PTPRJ: variants seen among roughly 807,000 people sequenced by gnomAD.
PTPRJ encodes the protein receptor-type tyrosine-protein phosphatase eta.
Under a neutral mutation model 141.3 loss-of-function variants are expected in PTPRJ, and 129 were observed. That is an observed-to-expected ratio of 0.91 (90% CI 0.79 to 1.06). The LOEUF is 1.06. PTPRJ is among the 50% of genes least tolerant of loss of function. The pLI is 0.00. For synonymous variants in PTPRJ, 610 were observed against 640.5 expected (o/e 0.95, Z 0.72); for missense variants, 1,601 against 1,679.7 (o/e 0.95, Z 0.82).
chr11:48,106,665 G>A (rs75539408), intron 1 of PTPRJ, among the ~76,000 whole-genome samples: 3,152 of 152,002 alleles, frequency 0.021, 111 homozygotes, highest in African/African-American at 0.072. Context: ...ATGTAGAGGA[G>A]TTGGGGAAAA....
At chr11:48,100,225 T>G (rs557683801) in intron 1 of PTPRJ, among the ~76,000 whole-genome samples, 35 of 152,174 alleles carry the variant, frequency 2.3e-4, no homozygotes, top group Non-Finnish European at 4.7e-4. Context: ...GTTCCTCCTT[T>G]CATGCAGCAG....
At chr11:47,991,202 C>G (rs1854184776) in intron 1 of PTPRJ, among the ~76,000 whole-genome samples, 1 of 152,102 alleles carries the variant, frequency 6.6e-6, no homozygotes, top group Admixed American at 6.6e-5. Context: ...AATTAAGTGA[C>G]CACCAGGTGT....
intron 1 of PTPRJ, among the ~76,000 whole-genome samples, chr11:48,058,411 A>G (rs952075129): frequency 2.0e-5 from 3 of 151,638 alleles, no homozygotes; most frequent in Non-Finnish European, 4.4e-5. Context: ...GGATCTCGCT[A>G]TGTTGCCCAG....
chr11:48,084,701 G>A (rs931078588), intron 1 of PTPRJ, among the ~76,000 whole-genome samples: 2 of 152,068 alleles, frequency 1.3e-5, no homozygotes, highest in African/African-American at 4.8e-5. Flanking sequence ...AAGTCAAAAG[G>A]GTGTGGGGTT....
In PTPRJ at chr11:48,137,295, C is replaced by T. The variant is rs1395196701; in HGVS notation, c.2152+14C>T. The T allele has an allele frequency of 6.2e-6, 10 of 1,608,552 alleles. No individual in the cohort carries two copies. Among genetic ancestry groups the T allele is most frequent in the Non-Finnish European group, 8.5e-6 (10 of 1,176,072 alleles). On this transcript the variant is annotated intron_variant, in intron 10 of 24. Coordinates refer to ENST00000418331, the MANE Select transcript of PTPRJ (RefSeq NM_002843.4). ...CATTCTGTACAGGTGAGTGTAGCCC[C>T]AACTGCCTCTTGGACTCCTCCCTGA... is the stretch of plus-strand genomic sequence containing the variant.
intron 1 of PTPRJ, among the ~76,000 whole-genome samples, chr11:47,992,901 T>TCATG (rs1173973518): frequency 6.6e-6 from 1 of 152,174 alleles, no homozygotes; most frequent in Non-Finnish European, 1.5e-5. Context: ...GAATTTCTTA[T>TCATG]CATGGGTTCA....
chr11:47,995,431 G>T (rs1003942716), intron 1 of PTPRJ, among the ~76,000 whole-genome samples: 2 of 152,204 alleles, frequency 1.3e-5, no homozygotes, highest in Non-Finnish European at 2.9e-5. Context: ...GTCCAGGAAG[G>T]ACAGCTGGAC....
intron 1 of PTPRJ, among the ~76,000 whole-genome samples, chr11:48,103,090 G>A (rs1374376319): frequency 6.6e-6 from 1 of 152,180 alleles, no homozygotes; most frequent in Non-Finnish European, 1.5e-5. Flanking sequence ...TGTGTCAGGG[G>A]TTCCATAAGC....
At chr11:48,149,541 ACTAT>A (rs1857431621) in intron 16 of PTPRJ, 53 bp downstream of exon 16, 1 of 1,167,082 alleles carries the variant, frequency 8.6e-7, no homozygotes, top group Non-Finnish European at 1.2e-6. Context: ...CTGTTCGGTG[ACTAT>A]CTATAAATAA....
chr11:48,164,076 G>T (rs1565335797), intron 23 of PTPRJ, among the ~76,000 whole-genome samples: 2 of 152,182 alleles, frequency 1.3e-5, no homozygotes, highest in Non-Finnish European at 2.9e-5. Flanking sequence ...GGGAAAAAAT[G>T]GCTAAAATGT....
chr11:48,159,859 C>G (rs1264282373), intron 21 of PTPRJ, 71 bp from the exon 22 acceptor site: 4 of 1,582,150 alleles, frequency 2.5e-6, no homozygotes, highest in Admixed American at 1.7e-5. Context: ...TAGCCAGTCT[C>G]CCTTGTGAGG....
chr11:48,121,813 G>A (rs1856715748), intron 4 of PTPRJ, among the ~76,000 whole-genome samples: 1 of 151,904 alleles, frequency 6.6e-6, no homozygotes. Flanking sequence ...TTTTTAAGCT[G>A]AAAAGAACCA....
At chr11:48,039,860 C>T (rs1292400741) in intron 1 of PTPRJ, among the ~76,000 whole-genome samples, 1 of 151,808 alleles carries the variant, frequency 6.6e-6, no homozygotes, top group Non-Finnish European at 1.5e-5. Flanking sequence ...GTGATCTTGG[C>T]TCACTGCAGC....
chr11:48,046,759 T>C (rs1565274751), intron 1 of PTPRJ, among the ~76,000 whole-genome samples: 2 of 151,980 alleles, frequency 1.3e-5, no homozygotes, highest in East Asian at 3.9e-4. Context: ...TACAGTTTAC[T>C]TGTGTGTAAA....
rs60806872 is a variant in PTPRJ at position 48,164,558 on chromosome 11, A to ATTTTTTTTTTTTTTTTTTTTTT, written c.3855+48_3855+69dup. On this transcript the variant is annotated intron_variant, in intron 24 of 24. Coordinates refer to ENST00000418331, the MANE Select transcript of PTPRJ (RefSeq NM_002843.4). ...ATTTGACATTCCACCCTTCCCCTCC[A>ATTTTTTTTTTTTTTTTTTTTTT]TTTTTTTTTTTTTTTTTTTTTTTTT... 9.8e-6 allele frequency: 7 copies of ATTTTTTTTTTTTTTTTTTTTTT among 715,256 alleles called. 2 individuals are homozygous for ATTTTTTTTTTTTTTTTTTTTTT. Among genetic ancestry groups the ATTTTTTTTTTTTTTTTTTTTTT allele is most frequent in the Non-Finnish European group, 1.8e-6 (1 of 567,110 alleles). The allele number at this position is 715,256 out of a possible 1,614,324, so 44.3% of individuals were successfully genotyped here.
rs564934583 is a variant in PTPRJ, at chr11:48,140,339, C to A, written c.2443+563C>A. Among the ~76,000 whole-genome samples, 10 of 152,276 alleles carry A rather than the reference C, an allele frequency of 6.6e-5. No homozygotes were observed. The South Asian group carries it at 1.2e-3, about 19-fold the overall frequency. ...GCCACTGCGCCTGGTCGTCTTTTAG[C>A]CCACATCTGTTGGTGGCTTACTGTG... On this transcript the variant is annotated intron_variant, in intron 11 of 24. Coordinates refer to ENST00000418331, the MANE Select transcript of PTPRJ (RefSeq NM_002843.4).
rs779996552 is a variant in PTPRJ, at chr11:48,137,136, C to T, written c.2007C>T (p.Asn669=). Residue 669 remains asparagine, a synonymous_variant, in exon 10 of 25, where the codon AAC becomes AAT. Transcript: ENST00000418331. The stretch of plus-strand genomic sequence containing the variant: ...TTGAGAAGGCTGGAAATTCCAGCAA[C>T]GCAACACAAGTAGTCACGGACATTG... The part of the protein sequence containing the change: ...LLIEKAGNSS[N]ATQVVTDIGI... 30 of 1,612,588 alleles carry T rather than the reference C, an allele frequency of 1.9e-5. No individual in the cohort carries two copies. The highest frequency in any genetic ancestry group is 6.7e-5 in the Admixed American group (4 of 59,992).
chr11:48,030,910 T>C (rs2134224435), intron 1 of PTPRJ, among the ~76,000 whole-genome samples: 1 of 152,278 alleles, frequency 6.6e-6, no homozygotes, highest in Middle Eastern at 3.4e-3. Context: ...CTGAGAAGTA[T>C]AGTCTCTTAG....
intron 1 of PTPRJ, among the ~76,000 whole-genome samples, chr11:48,030,076 T>A (rs1168154434): frequency 6.6e-6 from 1 of 152,242 alleles, no homozygotes; most frequent in Non-Finnish European, 1.5e-5. Context: ...ATTCTGGACA[T>A]TCAAATGTAA....
Sources: allele counts gnomAD v4.1 joint callset (sites outside exome capture counted in the v4.1 genomes callset), GRCh38; gene constraint gnomAD v4.1.1; transcripts MANE v1.5; gene names NCBI Gene and HGNC (gene_info 2026-07-23, HGNC 2026-07-21).